Variants in CRTC2 observed in about 807,000 individuals in gnomAD.
CRTC2 encodes CREB-regulated transcription coactivator 2.
A neutral mutation model predicts 70.9 loss-of-function variants in CRTC2; 25 were observed. The ratio of observed to expected loss-of-function variants is 0.35; its 90% CI spans 0.26 to 0.49. The LOEUF (loss-of-function observed/expected upper bound fraction) is 0.49. Ranked by LOEUF, CRTC2 falls within the 20% of genes least tolerant of loss-of-function variation. CRTC2 has a pLI of 0.98. For synonymous variants in CRTC2, 330 were observed against 364.1 expected, an observed-to-expected ratio of 0.91 and a Z score of 1.07; for missense variants, 737 against 882.6, an observed-to-expected ratio of 0.83 and a Z score of 2.09.
chr1:153,951,160 G>C, intron 11 of CRTC2, 100 bp downstream of exon 11: 1 of 1,238,736 alleles, frequency 8.1e-7, no homozygotes, highest in African/African-American at 1.5e-5. Context: ...AAGGGGATGA[G>C]TATAGAGTAG....
intron 1 of CRTC2, among the ~76,000 whole-genome samples, chr1:153,956,824 G>C (rs1680644738): frequency 6.6e-6 from 1 of 152,160 alleles, no homozygotes; most frequent in South Asian, 2.1e-4. Context: ...TAGGAGCAAG[G>C]TGGGTAGAAG....
chr1:153,948,337 T>C lies in CRTC2; in HGVS notation c.1862-8A>G. ...AACCTGGAGAGGAGTCCCCTGTGGG[T>C]AGAAGAGACAGGTGAGGACCCCATG... is the stretch of plus-strand genomic sequence containing the variant. On this transcript the variant is annotated splice_region_variant and splice_polypyrimidine_tract_variant and intron_variant, in intron 13 of 13. Coordinates refer to ENST00000368633, the MANE Select transcript of CRTC2 (RefSeq NM_181715.3). The C allele has an allele frequency of 6.2e-7, 1 of 1,614,166 alleles. No homozygotes were observed. The highest frequency in any genetic ancestry group is 8.5e-7 in the Non-Finnish European group (1 of 1,180,018).
chr1:153,952,295 T>C (rs1557868629), intron 9 of CRTC2, 33 bp from the exon 10 acceptor site: 2 of 1,596,772 alleles, frequency 1.3e-6, no homozygotes, highest in East Asian at 2.2e-5. Context: ...AAGATGTAAA[T>C]AGGAGGGTGG....
chr1:153,952,767 T>G, intron 7 of CRTC2, 38 bp downstream of exon 7: 1 of 1,614,048 alleles, frequency 6.2e-7, no homozygotes, highest in Non-Finnish European at 8.5e-7. Flanking sequence ...CCAGAAATTC[T>G]TTGGCATTCA....
In CRTC2 at chr1:153,955,005, G is replaced by T; in HGVS notation, c.256-16C>A. On this transcript the variant is annotated splice_polypyrimidine_tract_variant and intron_variant, in intron 2 of 13. Coordinates refer to ENST00000368633, the MANE Select transcript of CRTC2 (RefSeq NM_181715.3). ...GGAGGGGGCTCTGCCAAAAAGGACA[G>T]AAGTCAGCAGAGGAAGCAGCCTAAG... 1 of 1,613,172 alleles carries T rather than the reference G, an allele frequency of 6.2e-7. No homozygotes were observed.
intron 11 of CRTC2, among the ~76,000 whole-genome samples, chr1:153,949,856 A>AT (rs1680229641): frequency 6.6e-6 from 1 of 152,032 alleles, no homozygotes. Flanking sequence ...TCTCCAAAAA[A>AT]AAAAAAGTGC....
chr1:153,955,498 T>G (rs1571082488), intron 1 of CRTC2, among the ~76,000 whole-genome samples: 1 of 127,540 alleles, frequency 7.8e-6, no homozygotes, highest in Non-Finnish European at 1.6e-5. Context: ...ACCTGGGAGG[T>G]GGAGGTTGCA....
chr1:153,951,211 G>C (rs1680296211), intron 11 of CRTC2, 49 bp downstream of exon 11: 1 of 1,591,004 alleles, frequency 6.3e-7, no homozygotes, highest in Non-Finnish European at 8.6e-7. Flanking sequence ...CAACATGGCA[G>C]GAGAAAAGGG....
Position 153,949,366 on chromosome 1 carries a change from T to G in CRTC2, c.1423A>C (p.Ser475Arg). 1 of 1,611,754 alleles carries G rather than the reference T, an allele frequency of 6.2e-7. No individual in the cohort carries two copies. The highest frequency in any genetic ancestry group is 8.5e-7 in the Non-Finnish European group (1 of 1,178,924). Reference protein sequence around the residue: ...SITQGVPLDTSKLSTDQRLPP... With the variant: ...SITQGVPLDTRKLSTDQRLPP... ...AACCGCTGGTCAGTGGACAGTTTAC[T>G]GGTATCCAGGGGGACGCCCTGAAAA... Residue 475 changes from serine (S) to arginine (R), a missense_variant, in exon 12 of 14, where the codon AGT becomes CGT. This residue lies in a region of CRTC2 where 699 missense variants were observed against 823.7 expected (regional missense o/e 0.85). Coordinates refer to ENST00000368633, the MANE Select transcript of CRTC2 (RefSeq NM_181715.3).
intron 3 of CRTC2, 71 bp downstream of exon 3, chr1:153,954,802 C>T: frequency 7.5e-7 from 1 of 1,336,448 alleles, no homozygotes; most frequent in Non-Finnish European, 1.1e-6. Flanking sequence ...ACTTCAAGTG[C>T]TTCCTATGAG....
intron 5 of CRTC2, 58 bp downstream of exon 5, chr1:153,953,480 G>A (rs1680465914): frequency 1.9e-6 from 3 of 1,555,866 alleles, no homozygotes; most frequent in Admixed American, 1.7e-5. Context: ...GGGTGAGGGA[G>A]CAGGGCCCCA....
intron 1 of CRTC2, among the ~76,000 whole-genome samples, chr1:153,956,444 G>T (rs1354321979): frequency 6.6e-6 from 1 of 152,230 alleles, no homozygotes; most frequent in Non-Finnish European, 1.5e-5. Flanking sequence ...CCTGCGACCA[G>T]CCAAATAAAC....
Position 153,948,450 on chromosome 1 carries a change from C to T in CRTC2, c.1861+8G>A. On this transcript the variant is annotated splice_region_variant and intron_variant, in intron 13 of 13. Transcript: ENST00000368633. The stretch of plus-strand genomic sequence containing the variant: ...TTCCATTTCCCATCACCACCCACCC[C>T]CATTCACCTGTGAGGATGATGTTAG... 6.2e-7 allele frequency: 1 copy of T among 1,605,282 alleles called. No individual in the cohort carries two copies. Among genetic ancestry groups the T allele is most frequent in the Non-Finnish European group, 8.5e-7 (1 of 1,174,460 alleles).
chr1:153,953,414 T>G, intron 5 of CRTC2, 45 bp from the exon 6 acceptor site: 3 of 1,541,470 alleles, frequency 1.9e-6, no homozygotes, highest in Non-Finnish European at 2.7e-6. Flanking sequence ...ACAGTCTTCC[T>G]GGTCCCTAAG....
rs767615432 is a variant in CRTC2, at chr1:153,955,566, C to CAA, written c.154-402_154-401dup. ...TGGGCAACAGAGAGAGACTCTGTCT[C>CAA]AAAAAAAAAAAAAAAAAAAAAGGAT... On this transcript the variant is annotated intron_variant, in intron 1 of 13. Transcript: ENST00000368633. Among the ~76,000 whole-genome samples the CAA allele has an allele frequency of 5.3e-3, 223 of 41,758 alleles. 4 individuals are homozygous for CAA. The highest frequency in any genetic ancestry group is 0.011 in the African/African-American group (102 of 9,538). 27.4% of individuals were successfully genotyped at this position (41,758 alleles called of 152,430 possible).
intron 3 of CRTC2, 152 bp downstream of exon 3, chr1:153,954,721 G>A (rs913728365): frequency 2.2e-5 from 15 of 678,496 alleles, no homozygotes; most frequent in African/African-American, 5.4e-5. Context: ...AGGTGCTGAC[G>A]CAGGGGCTAT....
chr1:153,954,713 G>C (rs1447372526), intron 3 of CRTC2, among the ~76,000 whole-genome samples, 160 bp downstream of exon 3: 2 of 152,192 alleles, frequency 1.3e-5, no homozygotes, highest in Non-Finnish European at 2.9e-5. Flanking sequence ...ACAGGAGCAG[G>C]TGCTGACGCA....
In CRTC2 at chr1:153,948,020, A is replaced by T; in HGVS notation, c.*89T>A. The T allele has an allele frequency of 8.2e-7, 1 of 1,226,640 alleles. No individual in the cohort carries two copies. The highest frequency in any genetic ancestry group is 1.2e-6 in the Non-Finnish European group (1 of 845,860). 76.0% of individuals were successfully genotyped at this position (1,226,640 alleles called of 1,614,324 possible). A position where few individuals can be genotyped will look rare whatever the true frequency, so the allele number is the denominator to read the frequency against. ...TGCTAGAAAGAGGATCTGGGGACAG[A>T]GAGTAGAGTCTCTACCTGCCAGGGG... On this transcript the variant is annotated 3_prime_UTR_variant, in exon 14 of 14. Coordinates refer to ENST00000368633, the MANE Select transcript of CRTC2 (RefSeq NM_181715.3).
chr1:153,952,163 G>A lies in CRTC2; in HGVS notation c.852C>T (p.Pro284=). ...GGTCCAGGGGGGTGGGCAGTGGTGGGGGAAAGTGCAGGTTGGTGAGGTCAG... is the reference window on the plus strand; with the variant it reads ...GGTCCAGGGGGGTGGGCAGTGGTGGAGGAAAGTGCAGGTTGGTGAGGTCAG... ...SLPDLTNLHF[P]PPLPTPLDPE... is the part of the protein sequence containing the mutation. Residue 284 remains proline, a synonymous_variant, in exon 10 of 14, where the codon CCC becomes CCT. Transcript: ENST00000368633. 1 of 1,614,080 alleles carries A rather than the reference G, an allele frequency of 6.2e-7. No individual in the cohort carries two copies. Among genetic ancestry groups the A allele is most frequent in the Non-Finnish European group, 8.5e-7 (1 of 1,179,972 alleles).
Sources: gnomAD v4.1 joint callset for allele counts (sites outside exome capture counted in the v4.1 genomes callset) on GRCh38, gnomAD v4.1.1 for gene constraint, gnomAD v4.1.1 regional missense constraint, MANE v1.5 for transcripts, NCBI Gene and HGNC (gene_info 2026-07-23, HGNC 2026-07-21) for gene names.